The following DICER1 variants were observed in gnomAD, a reference collection of about 807,000 sequenced individuals.
DICER1 encodes the protein endoribonuclease Dicer.
In DICER1, 43 loss-of-function variants were observed where a neutral mutation model predicts 194.1. The observed-to-expected ratio is 0.22, with a 90% CI of 0.17 to 0.29. DICER1 has a LOEUF of 0.29. DICER1 is among the 10% of genes least tolerant of loss of function. DICER1 has a pLI of 1.00. For missense variants in DICER1, 1,608 were observed against 2,317.0 expected, an observed-to-expected ratio of 0.69 and a Z score of 6.28; for synonymous variants, 832 against 820.5, an observed-to-expected ratio of 1.01 and a Z score of -0.24.
rs116110090 is a variant in DICER1, at chr14:95,113,700, A to T, written c.1908-476T>A. Among the ~76,000 whole-genome samples the T allele has an allele frequency of 5.2e-3, 787 of 152,336 alleles. 3 individuals are homozygous for T. Among genetic ancestry groups the T allele is most frequent in the African/African-American group, 0.018 (730 of 41,572 alleles). On this transcript the variant is annotated intron_variant, in intron 11 of 26. Coordinates refer to ENST00000343455, the MANE Select transcript of DICER1 (RefSeq NM_177438.3). ...GGGCGGGACAGCCCAGTGCTGACAC[A>T]AAAAGGACAGTAGAACTAGCAACTC...
chr14:95,117,844 G>C, intron 8 of DICER1, 90 bp from the exon 9 acceptor site: 2 of 1,289,902 alleles, frequency 1.6e-6, no homozygotes, highest in Non-Finnish European at 2.2e-6. Flanking sequence ...GGAAGTACAT[G>C]CATTTTTTGC....
rs1360646143 is a variant in DICER1, at chr14:95,108,019, C to A, written c.2511G>T (p.Met837Ile). The A allele has an allele frequency of 1.2e-6, 2 of 1,613,712 alleles. No individual in the cohort carries two copies. Among genetic ancestry groups the A allele is most frequent in the South Asian group, 2.2e-5 (2 of 91,074 alleles). The stretch of plus-strand genomic sequence containing the variant: ...TCAACTCAAGCATTTGTAGAGACAA[C>A]ATGAAACCAGACTTCTTCAACTCAA... ...ISIELKKSGF[M>I]LSLQMLELIT... Residue 837 changes from methionine to isoleucine, a missense_variant, in exon 16 of 27, where the codon ATG becomes ATT. Around this residue, in one of 10 missense-constraint regions of DICER1, gnomAD observed 150 missense variants for 216.0 expected, o/e 0.69. Coordinates refer to ENST00000343455, the MANE Select transcript of DICER1 (RefSeq NM_177438.3).
At chr14:95,134,902 C>T (rs118159910) in intron 1 of DICER1, among the ~76,000 whole-genome samples, 1,780 of 152,216 alleles carry the variant, frequency 0.012, 14 homozygotes, top group Non-Finnish European at 0.015. Flanking sequence ...ATGTTCTTCA[C>T]GAAAAATAAT....
rs1005428033 is a variant in DICER1, at chr14:95,124,131, G to A, written c.1376+65C>T. 6.0e-6 allele frequency: 7 copies of A among 1,172,716 alleles called. No homozygotes were observed. Among genetic ancestry groups the A allele is most frequent in the African/African-American group, 4.5e-5 (3 of 66,354 alleles). 72.6% of individuals were successfully genotyped at this position (1,172,716 alleles called of 1,614,324 possible). On this transcript the variant is annotated intron_variant, in intron 8 of 26. Transcript: ENST00000343455. The surrounding 1 kb of genome is among the most constrained non-coding windows in gnomAD (Gnocchi z 4.5). ...TGCTAGCTCTTACAGCTGCTGCAGC[G>A]CATCACATCACAACACAGGACGCCT...
At position 95,096,031 on chromosome 14, in the gene DICER1, C is replaced by T. The variant is rs368343829; in HGVS notation, c.4889G>A (p.Arg1630His). ...SCAAASVASS[R>H]SSVLKDSEYG... is the part of the protein sequence containing the mutation. The stretch of plus-strand genomic sequence containing the variant: ...TTCCGAGTCTTTCAATACAGAAGAG[C>T]GTGAACTGGCCACAGAAGCAGCAGC... The change falls in exon 23 of 27, where the codon CGC becomes CAC. Residue 1630 changes from arginine (R) to histidine (H), a missense_variant. Transcript: ENST00000343455. 5.0e-5 allele frequency: 80 copies of T among 1,614,174 alleles called. No individual in the cohort carries two copies. The highest frequency in any genetic ancestry group is 4.5e-4 in the South Asian group (41 of 91,076).
At chr14:95,117,530 T>C (rs1250879518) in intron 9 of DICER1, 92 bp downstream of exon 9, 1 of 1,321,154 alleles carries the variant, frequency 7.6e-7, no homozygotes, top group Non-Finnish European at 1.1e-6. Flanking sequence ...ATAGTAATTC[T>C]GGGAAACTAT....
rs147754242 is a variant in DICER1, at chr14:95,115,735, T to C, written c.1839A>G (p.Pro613=). ...CACCATCGTCAGGCCTCAACACATA[T>C]GGTGGGAAAACGTCATCATCATCCA... ...PVMDDDDVFP[P]YVLRPDDGGP... Residue 613 remains proline (P), a synonymous_variant, in exon 11 of 27, where the codon CCA becomes CCG. Transcript: ENST00000343455. The C allele has an allele frequency of 3.7e-5, 59 of 1,614,152 alleles. No homozygotes were observed. In the African/African-American group the frequency reaches 6.7e-4, roughly 18 times the overall value.
chr14:95,091,339 C>T lies in DICER1; in HGVS notation c.5391G>A (p.Glu1797=), dbSNP rs751615662. The T allele has an allele frequency of 2.2e-5, 35 of 1,613,962 alleles. No homozygotes were observed. The South Asian group carries it at 3.4e-4, about 16-fold the overall frequency. The change falls in exon 25 of 27, where the codon GAG becomes GAA. Residue 1797 remains glutamate, a synonymous_variant. Transcript: ENST00000343455. ...SELRRSEEDE[E]KEEDIEVPKA... is the part of the protein sequence containing the mutation. The stretch of plus-strand genomic sequence containing the variant: ...TTGGAACTTCAATATCCTCTTCTTT[C>T]TCTTCATCCTCCTCAGATCTCCTAA...
chr14:95,143,885 C>A (rs893180394), intron 1 of DICER1, among the ~76,000 whole-genome samples: 1 of 152,000 alleles, frequency 6.6e-6, no homozygotes, highest in Non-Finnish European at 1.5e-5. Context: ...TAATAAAATT[C>A]CATTTCTTAG....
rs556642375 is a variant in DICER1, at chr14:95,133,574, A to G, written c.-45-71T>C. ...AAAACAAAGAAAGCACAGAAACAAGAGAAACATCAGAATATCATTCCTATG... is the reference window on the plus strand; with the variant it reads ...AAAACAAAGAAAGCACAGAAACAAGGGAAACATCAGAATATCATTCCTATG... On this transcript the variant is annotated intron_variant, in intron 1 of 26. Coordinates refer to ENST00000343455, the MANE Select transcript of DICER1 (RefSeq NM_177438.3). The G allele has an allele frequency of 3.6e-6, 4 of 1,104,538 alleles. No homozygotes were observed. In the African/African-American group the frequency reaches 6.2e-5, roughly 17 times the overall value. The allele number at this position is 1,104,538 out of a possible 1,614,324, so 68.4% of individuals were successfully genotyped here.
rs547265010 is a variant in DICER1, at chr14:95,137,371, G to GGAGGAA, written c.-45-3869_-45-3868insTTCCTC. On this transcript the variant is annotated intron_variant, in intron 1 of 26. Coordinates refer to ENST00000343455, the MANE Select transcript of DICER1 (RefSeq NM_177438.3). Reference sequence around the variant, plus strand: ...AAGGGAAAGAGGAAGGAAAAGGGAAGGGGGAAGGGGAAGGAAAAGGTAAAG... The same window carrying GGAGGAA: ...AAGGGAAAGAGGAAGGAAAAGGGAAGGAGGAAGGGGAAGGGGAAGGAAAAGGTAAAG... 1.5e-3 allele frequency among the ~76,000 whole-genome samples: 193 copies of GGAGGAA among 125,374 alleles called. 1 individual carries two copies. Among genetic ancestry groups the GGAGGAA allele is most frequent in the African/African-American group, 5.8e-3 (184 of 31,516 alleles). The allele number at this position is 125,374 out of a possible 152,430, so 82.3% of individuals were successfully genotyped here.
intron 1 of DICER1, among the ~76,000 whole-genome samples, chr14:95,141,972 C>T (rs1452964483): frequency 6.6e-6 from 1 of 152,118 alleles, no homozygotes; most frequent in East Asian, 1.9e-4. Context: ...AGGGATAACT[C>T]TTGGCATTAA....
chr14:95,108,105 G>T lies in DICER1; in HGVS notation c.2437-12C>A. On this transcript the variant is annotated splice_polypyrimidine_tract_variant and intron_variant, in intron 15 of 26. Transcript: ENST00000343455. ...GGAAAGTGTGGAATCTTAGCAAAAG[G>T]AAATGTAAAGCACCCCTCAAAATTA... The T allele has an allele frequency of 6.3e-7, 1 of 1,588,628 alleles. No individual in the cohort carries two copies. The highest frequency in any genetic ancestry group is 8.6e-7 in the Non-Finnish European group (1 of 1,157,260).
At chr14:95,106,319 GA>G in intron 17 of DICER1, 96 bp from the exon 18 acceptor site, 1 of 907,494 alleles carries the variant, frequency 1.1e-6, no homozygotes, top group Non-Finnish European at 1.7e-6. Context: ...TGATGATTAA[GA>G]ATTCAAAAGA....
chr14:95,103,251 G>T, intron 21 of DICER1, 95 bp downstream of exon 21: 2 of 1,351,166 alleles, frequency 1.5e-6, no homozygotes, highest in Non-Finnish European at 1.1e-6. Context: ...TTCTGAGCAT[G>T]ATACGTTCTC....
intron 1 of DICER1, among the ~76,000 whole-genome samples, chr14:95,138,986 T>TAAATAAA (rs1894638239): frequency 6.3e-5 from 2 of 31,702 alleles, no homozygotes; most frequent in African/African-American, 3.1e-4. Context: ...TAAAAATAAA[T>TAAATAAA]AAAAAAATAA....
intron 21 of DICER1, among the ~76,000 whole-genome samples, chr14:95,102,157 A>T (rs947960785): frequency 2.6e-5 from 4 of 152,146 alleles, no homozygotes; most frequent in Admixed American, 2.0e-4. Context: ...GTGCAGAGTA[A>T]GCACTTTTAA....
At chr14:95,098,105 A>T (rs1334594744) in intron 22 of DICER1, among the ~76,000 whole-genome samples, 1 of 152,220 alleles carries the variant, frequency 6.6e-6, no homozygotes, top group Non-Finnish European at 1.5e-5. Context: ...CAAAAATCAC[A>T]AAGGGCTGAC....
At chr14:95,156,179 A>C (rs1173340185) in intron 1 of DICER1, among the ~76,000 whole-genome samples, 3 of 152,116 alleles carry the variant, frequency 2.0e-5, no homozygotes, top group Non-Finnish European at 4.4e-5. Context: ...AGTTGCTTAA[A>C]TCCTAACCTG....
Sources: gnomAD v4.1 joint callset for allele counts (sites outside exome capture counted in the v4.1 genomes callset) on GRCh38, gnomAD v4.1.1 for gene constraint, gnomAD v4.1.1 regional missense constraint, Gnocchi (gnomAD v3.1) non-coding constraint, MANE v1.5 for transcripts, NCBI Gene and HGNC (gene_info 2026-07-23, HGNC 2026-07-21) for gene names.